The following HK3 variants were observed in gnomAD, a reference collection of about 807,000 sequenced individuals.
HK3 encodes hexokinase 3, also known as hexokinase-3.
A neutral mutation model predicts 91.0 loss-of-function variants in HK3; 93 were observed. The ratio of observed to expected loss-of-function variants is 1.02; its 90% confidence interval spans 0.86 to 1.21. The LOEUF (loss-of-function observed/expected upper bound fraction) is 1.21. Among genes scored for constraint, HK3 ranks in the 50% most tolerant of loss-of-function variants. The pLI, the probability that HK3 is intolerant of heterozygous loss-of-function variation, is 0.00. For missense variants in HK3, 1,235 were observed against 1,247.4 expected, an observed-to-expected ratio of 0.99 and a Z score of 0.15; for synonymous variants, 519 against 516.9, an observed-to-expected ratio of 1.00 and a Z score of -0.06.
At chr5:176,899,134 C>G (rs1329978959) in intron 1 of HK3, 133 bp downstream of exon 1, 1 of 152,212 alleles carries the variant, frequency 6.6e-6, no homozygotes, top group African/African-American at 2.4e-5. Context: ...GAGACCCCAT[C>G]TCAAAAACAA....
chr5:176,888,626 C>T, intron 9 of HK3, 61 bp from the exon 10 acceptor site: 1 of 1,610,682 alleles, frequency 6.2e-7, no homozygotes, highest in Non-Finnish European at 8.5e-7. Context: ...CCACTAAAGC[C>T]CCATGGCTAC....
At position 176,888,842 on chromosome 5, in the gene HK3, G is replaced by A; in HGVS notation, c.937C>T (p.Leu313=). The change falls in exon 9 of 19, where the codon CTG becomes TTG. Residue 313 remains leucine, a synonymous_variant. Coordinates refer to ENST00000292432, the MANE Select transcript of HK3 (RefSeq NM_002115.3). ...AGCCGCACCAGCTCACCCAGGTACA[G>A]GCCTCCGATCATCTTCTCAAACCTG... The part of the protein sequence containing the change: ...AQRFEKMIGG[L]YLGELVRLVL... The A allele has an allele frequency of 6.2e-7, 1 of 1,614,062 alleles. No homozygotes were observed. Among genetic ancestry groups the A allele is most frequent in the Non-Finnish European group, 8.5e-7 (1 of 1,179,996 alleles).
rs1758601897 is a variant in HK3, at chr5:176,886,970, C to T, written c.1857+32G>A. ...GAAGGGTATGTGGGGGCAGGAGGCC[C>T]TTGGGAATCACTTCTCTTGGCCCTC... is the stretch of plus-strand genomic sequence containing the variant. On this transcript the variant is annotated intron_variant, in intron 13 of 18. Transcript: ENST00000292432. 9 of 1,612,730 alleles carry T rather than the reference C, an allele frequency of 5.6e-6. No homozygotes were observed. In the East Asian group the frequency reaches 2.0e-4, roughly 36 times the overall value.
chr5:176,884,853 G>A lies in HK3; in HGVS notation c.1858-719C>T, dbSNP rs560927384. ...AAAATTACTGCTTTGCTCAGAGGAG[G>A]AGCATGGAGGGTAGGTCAGGAAATC... is the stretch of plus-strand genomic sequence containing the variant. On this transcript the variant is annotated intron_variant, in intron 13 of 18. Transcript: ENST00000292432. The surrounding 1 kb of genome is among the most constrained non-coding windows in gnomAD (Gnocchi z 4.1). 4.8e-4 allele frequency among the ~76,000 whole-genome samples: 73 copies of A among 152,350 alleles called. No individual in the cohort carries two copies. The highest frequency in any genetic ancestry group is 1.7e-3 in the African/African-American group (72 of 41,580).
Position 176,887,373 on chromosome 5 carries a change from C to T in HK3, c.1601-36G>A, listed in dbSNP as rs754675403. The T allele has an allele frequency of 1.2e-6, 2 of 1,613,638 alleles. No homozygotes were observed. The highest frequency in any genetic ancestry group is 1.7e-6 in the Non-Finnish European group (2 of 1,180,010). On this transcript the variant is annotated intron_variant, in intron 11 of 18. Transcript: ENST00000292432. This position sits in a 1 kb window ranked among gnomAD's most constrained non-coding sequence, Gnocchi z 4.9. The stretch of plus-strand genomic sequence containing the variant: ...AGAGACCCTCAGTGCCGGGATAGGG[C>T]TTGTGGCTCCAGCCCCAGCACACAC...
Position 176,884,142 on chromosome 5 carries a change from G to A in HK3, c.1858-8C>T, listed in dbSNP as rs1454253914. 1.2e-6 allele frequency: 2 copies of A among 1,612,582 alleles called. No homozygotes were observed. Among genetic ancestry groups the A allele is most frequent in the Non-Finnish European group, 1.7e-6 (2 of 1,178,698 alleles). On this transcript the variant is annotated splice_region_variant and splice_polypyrimidine_tract_variant and intron_variant, in intron 13 of 18. Transcript: ENST00000292432. This position sits in a 1 kb window ranked among gnomAD's most constrained non-coding sequence, Gnocchi z 4.1. ...CCAGTTCAGGAGGATGCCCTGGGGT[G>A]AGACCGAGAGGAAGTGGCAGGAAGC...
At chr5:176,886,961 CA>C in intron 13 of HK3, 40 bp downstream of exon 13, 1 of 1,611,178 alleles carries the variant, frequency 6.2e-7, no homozygotes, top group Non-Finnish European at 8.5e-7. Flanking sequence ...TATGTGGGGG[CA>C]GGAGGCCCTT....
intron 1 of HK3, among the ~76,000 whole-genome samples, chr5:176,899,028 C>T (rs780070174): frequency 1.3e-5 from 2 of 152,008 alleles, no homozygotes; most frequent in African/African-American, 2.4e-5. Context: ...TCAGCTACTC[C>T]GGAGGCTGAG....
At position 176,887,438 on chromosome 5, in the gene HK3, G is replaced by A. The variant is rs1254210990; in HGVS notation, c.1600+13C>T. The A allele has an allele frequency of 6.2e-7, 1 of 1,612,520 alleles. No individual in the cohort carries two copies. The highest frequency in any genetic ancestry group is 8.5e-7 in the Non-Finnish European group (1 of 1,178,986). Reference sequence around the variant, plus strand: ...GCCCATGTTTCGGTCCCACACTCAGGCCAGGTCCTTACCGCTGCCGTCAGG... The same window carrying A: ...GCCCATGTTTCGGTCCCACACTCAGACCAGGTCCTTACCGCTGCCGTCAGG... On this transcript the variant is annotated intron_variant, in intron 11 of 18. Transcript: ENST00000292432. The surrounding 1 kb of genome is among the most constrained non-coding windows in gnomAD (Gnocchi z 4.9).
At chr5:176,882,515 G>A (rs984320079) in intron 15 of HK3, among the ~76,000 whole-genome samples, 1 of 152,216 alleles carries the variant, frequency 6.6e-6, no homozygotes, top group East Asian at 1.9e-4. Flanking sequence ...CCAACTAAGA[G>A]GTGCTGGGCC....
Position 176,896,010 on chromosome 5 carries a change from C to T in HK3, c.96+54G>A. On this transcript the variant is annotated intron_variant, in intron 2 of 18. Transcript: ENST00000292432. Reference sequence around the variant, plus strand: ...GGGCCCCATGGCAGCTTCAGTCACGCTGCTCTTGAAGGCCTTAGACAAGCA... The same window carrying T: ...GGGCCCCATGGCAGCTTCAGTCACGTTGCTCTTGAAGGCCTTAGACAAGCA... 4 of 1,467,540 alleles carry T rather than the reference C, an allele frequency of 2.7e-6. No individual in the cohort carries two copies. The South Asian group carries it at 4.5e-5, about 17-fold the overall frequency. The allele number at this position is 1,467,540 out of a possible 1,614,324, so 90.9% of individuals were successfully genotyped here. A position where few individuals can be genotyped will look rare whatever the true frequency, so the allele number is the denominator to read the frequency against.
intron 5 of HK3, 46 bp from the exon 6 acceptor site, chr5:176,890,776 G>T: frequency 6.2e-7 from 1 of 1,614,176 alleles, no homozygotes; most frequent in Non-Finnish European, 8.5e-7. Context: ...CCTTCATGGG[G>T]CTGCAGCCAC....
intron 6 of HK3, among the ~76,000 whole-genome samples, chr5:176,890,281 G>T (rs186171152): frequency 3.9e-5 from 6 of 152,288 alleles, no homozygotes; most frequent in Admixed American, 1.3e-4. Context: ...TGCTTCCTCC[G>T]TAGTGCTCCC....
In HK3 at chr5:176,887,163, T is replaced by C. The variant is rs752041067; in HGVS notation, c.1737+38A>G. 1.7e-5 allele frequency: 27 copies of C among 1,614,182 alleles called. No individual in the cohort carries two copies. Among genetic ancestry groups the C allele is most frequent in the Non-Finnish European group, 2.3e-5 (27 of 1,180,020 alleles). Reference sequence around the variant, plus strand: ...GTCAGGCGTAGGCACTGCTCAGCCCTTCCCCACCTCTGACATCAAGGTTCA... The same window carrying C: ...GTCAGGCGTAGGCACTGCTCAGCCCCTCCCCACCTCTGACATCAAGGTTCA... On this transcript the variant is annotated intron_variant, in intron 12 of 18. Transcript: ENST00000292432. The surrounding 1 kb of genome is among the most constrained non-coding windows in gnomAD (Gnocchi z 4.9).
intron 15 of HK3, among the ~76,000 whole-genome samples, chr5:176,883,317 T>C (rs1758493832): frequency 6.6e-6 from 1 of 152,092 alleles, no homozygotes. Flanking sequence ...CCCGCCCAGC[T>C]CCAAACACCA....
chr5:176,897,022 G>T, intron 1 of HK3, among the ~76,000 whole-genome samples: 1 of 152,018 alleles, frequency 6.6e-6, no homozygotes, highest in East Asian at 1.9e-4. Context: ...TCTCCACAAG[G>T]CAGCTGCACC....
chr5:176,881,584 C>T (rs750798065), intron 17 of HK3, 49 bp from the exon 18 acceptor site: 142 of 1,584,296 alleles, frequency 9.0e-5, no homozygotes, highest in Non-Finnish European at 1.1e-4. Flanking sequence ...CGTGACTTCT[C>T]CCACTTCATC....
chr5:176,887,212 A>C lies in HK3; in HGVS notation c.1726T>G (p.Ser576Ala). 6.2e-7 allele frequency: 1 copy of C among 1,614,146 alleles called. No homozygotes were observed. Among genetic ancestry groups the C allele is most frequent in the Non-Finnish European group, 8.5e-7 (1 of 1,180,030 alleles). ...YSIPETVAQG[S>A]GQQLFDHIVD... is the part of the protein sequence containing the mutation. Reference sequence around the variant, plus strand: ...CAGGCTGTGGGTACCTGCTGCCCAGAACCCTGGGCCACAGTCTCGGGAATG... The same window carrying C: ...CAGGCTGTGGGTACCTGCTGCCCAGCACCCTGGGCCACAGTCTCGGGAATG... The change falls in exon 12 of 19, where the codon TCT becomes GCT. Residue 576 changes from serine (S) to alanine (A), a missense_variant. By Grantham distance (99) the Ser-to-Ala change is moderately conservative. Around this residue, in one of 3 missense-constraint regions of HK3, gnomAD observed 513 missense variants for 477.4 expected, o/e 1.07. Transcript: ENST00000292432. The surrounding 1 kb of genome is among the most constrained non-coding windows in gnomAD (Gnocchi z 4.9).
chr5:176,885,783 C>T (rs534602540), intron 13 of HK3, among the ~76,000 whole-genome samples: 12 of 151,994 alleles, frequency 7.9e-5, no homozygotes, highest in South Asian at 4.2e-4. Flanking sequence ...GCCCCCACCC[C>T]GCCCCCCGAT....
Sources: gnomAD v4.1 joint callset for allele counts (sites outside exome capture counted in the v4.1 genomes callset) on GRCh38, gnomAD v4.1.1 for gene constraint, gnomAD v4.1.1 regional missense constraint, Gnocchi (gnomAD v3.1) non-coding constraint, MANE v1.5 for transcripts, NCBI Gene and HGNC (gene_info 2026-07-23, HGNC 2026-07-21) for gene names.